TG: variants seen among roughly 807,000 people sequenced by gnomAD.
The protein encoded by TG is thyroglobulin.
TG carries 270 observed loss-of-function variants against 324.7 expected under a neutral mutation model. The ratio of observed to expected loss-of-function variants is 0.83; its 90% CI spans 0.75 to 0.92. The LOEUF (loss-of-function observed/expected upper bound fraction) is 0.92. TG is among the 40% of genes least tolerant of loss of function. The probability of loss-of-function intolerance (pLI) is 0.00; values close to 1 mark genes in which losing one functional copy is unlikely to be tolerated. For missense variants in TG, 3,591 were observed against 3,456.4 expected, an observed-to-expected ratio of 1.04 and a Z score of -0.98; for synonymous variants, 1,401 against 1,327.0, an observed-to-expected ratio of 1.06 and a Z score of -1.21.
At chr8:132,990,285 G>C (rs1455361255) in intron 35 of TG, among the ~76,000 whole-genome samples, 1 of 151,084 alleles carries the variant, frequency 6.6e-6, no homozygotes, top group Admixed American at 6.6e-5. Context: ...ATCATTTTTT[G>C]CTCTTATTTT....
chr8:132,914,406 G>A (rs955809960), intron 20 of TG, among the ~76,000 whole-genome samples: 5 of 152,208 alleles, frequency 3.3e-5, no homozygotes, highest in Admixed American at 1.3e-4. Flanking sequence ...AAGCCAAATG[G>A]CCTTTCCTTT....
At chr8:132,920,655 T>A (rs1222802237) in intron 21 of TG, among the ~76,000 whole-genome samples, 1 of 152,202 alleles carries the variant, frequency 6.6e-6, no homozygotes, top group Non-Finnish European at 1.5e-5. Flanking sequence ...AAGATTAATG[T>A]AGTGTGCTGA....
intron 41 of TG, among the ~76,000 whole-genome samples, chr8:133,081,082 A>G (rs1398725373): frequency 1.3e-5 from 2 of 152,222 alleles, no homozygotes; most frequent in East Asian, 1.9e-4. Context: ...TACTAATACT[A>G]CTTTATCATG....
At chr8:133,015,704 C>G (rs907185625) in intron 37 of TG, among the ~76,000 whole-genome samples, 2 of 152,202 alleles carry the variant, frequency 1.3e-5, no homozygotes, top group Non-Finnish European at 2.9e-5. Context: ...TCCAGCACTT[C>G]AGCAGCCACG....
chr8:133,008,941 TGA>T (rs1834256141), intron 35 of TG, among the ~76,000 whole-genome samples: 1 of 152,220 alleles, frequency 6.6e-6, no homozygotes, highest in Non-Finnish European at 1.5e-5. Context: ...AGAATTTTCA[TGA>T]GATACTTGTG....
intron 41 of TG, among the ~76,000 whole-genome samples, chr8:133,054,403 A>G (rs553037689): frequency 2.0e-4 from 30 of 152,278 alleles, no homozygotes; most frequent in African/African-American, 7.2e-4. Flanking sequence ...CACCTCCGCC[A>G]CTACACAGTG....
rs533463146 is a variant in TG, at chr8:133,055,349, A to G, written c.7239+25326A>G. The stretch of plus-strand genomic sequence containing the variant: ...TGACTTTCAGTGTCATCTTCAGGAC[A>G]CACACACGCACGCGCGCACACACAC... On this transcript the variant is annotated intron_variant, in intron 41 of 47. Transcript: ENST00000220616. Among the ~76,000 whole-genome samples the G allele has an allele frequency of 6.4e-3, 515 of 80,546 alleles. 3 individuals carry two copies. Among genetic ancestry groups the G allele is most frequent in the Middle Eastern group, 0.011 (2 of 174 alleles). The allele number at this position is 80,546 out of a possible 152,430, so 52.8% of individuals were successfully genotyped here.
At chr8:132,904,028 A>G (rs1036495693) in intron 16 of TG, among the ~76,000 whole-genome samples, 4 of 152,200 alleles carry the variant, frequency 2.6e-5, no homozygotes, top group African/African-American at 9.7e-5. Flanking sequence ...ATCCAATGTC[A>G]TGTTCATGCA....
At chr8:132,904,999 C>T (rs1369023816) in intron 16 of TG, among the ~76,000 whole-genome samples, 1 of 152,158 alleles carries the variant, frequency 6.6e-6, no homozygotes, top group Non-Finnish European at 1.5e-5. Flanking sequence ...CTCTGTGTGC[C>T]TCAGTATTGG....
chr8:133,042,709 T>TTTTTG (rs1554706931), intron 41 of TG, among the ~76,000 whole-genome samples: 4 of 138,682 alleles, frequency 2.9e-5, no homozygotes, highest in African/African-American at 1.1e-4. Flanking sequence ...TTTTTTTTTT[T>TTTTTG]GTGAGATGGA....
intron 45 of TG, among the ~76,000 whole-genome samples, chr8:133,119,136 G>A (rs1588135967): frequency 6.6e-6 from 1 of 152,122 alleles, no homozygotes; most frequent in Non-Finnish European, 1.5e-5. Flanking sequence ...AGAGAAAAAA[G>A]TTTCAATGGT....
chr8:132,915,205 A>G (rs969572182), intron 20 of TG, among the ~76,000 whole-genome samples: 1 of 152,166 alleles, frequency 6.6e-6, no homozygotes, highest in Non-Finnish European at 1.5e-5. Flanking sequence ...CAGCCCCAGG[A>G]GGCTCCTTGG....
chr8:133,038,664 C>G lies in TG; in HGVS notation c.7239+8641C>G, dbSNP rs751213413. The G allele has an allele frequency of 5.0e-6, 8 of 1,613,932 alleles. No homozygotes were observed. The East Asian group carries it at 1.8e-4, about 36-fold the overall frequency. Reference sequence around the variant, plus strand: ...AGGGACAGGTAAGAGGCAATGCTCTCTCGAAGGCCATAGCTGAAAAGGGAC... The same window carrying G: ...AGGGACAGGTAAGAGGCAATGCTCTGTCGAAGGCCATAGCTGAAAAGGGAC... On this transcript the variant is annotated intron_variant, in intron 41 of 47. Coordinates refer to ENST00000220616, the MANE Select transcript of TG (RefSeq NM_003235.5).
chr8:133,011,857 C>T (rs533289311), intron 35 of TG, 44 bp from the exon 36 acceptor site: 6 of 1,613,846 alleles, frequency 3.7e-6, no homozygotes, highest in African/African-American at 2.7e-5. Flanking sequence ...TTGTTACTCA[C>T]CAGGTGACAA....
chr8:133,021,931 C>G, intron 39 of TG, 60 bp from the exon 40 acceptor site: 2 of 1,608,038 alleles, frequency 1.2e-6, no homozygotes, highest in Non-Finnish European at 1.7e-6. Flanking sequence ...GAATCAGGCT[C>G]CAAGCATGGG....
intron 10 of TG, among the ~76,000 whole-genome samples, chr8:132,890,275 A>T (rs944520465): frequency 1.3e-5 from 2 of 152,206 alleles, no homozygotes; most frequent in South Asian, 4.1e-4. Flanking sequence ...TTAACAGCTG[A>T]AACAGCTAAA....
rs985040119 is a variant in TG at position 133,052,875 on chromosome 8, C to A, written c.7239+22852C>A. Among the ~76,000 whole-genome samples, 4 of 152,284 alleles carry A rather than the reference C, an allele frequency of 2.6e-5. No individual in the cohort carries two copies. In the East Asian group the frequency reaches 5.8e-4, roughly 22 times the overall value. ...TGACTTTGCCACTCACTGAGTGGGA[C>A]GCCTCCTTCTCCTCTTGGGCCTGGG... On this transcript the variant is annotated intron_variant, in intron 41 of 47. Transcript: ENST00000220616.
At chr8:133,078,103 T>G (rs1845181396) in intron 41 of TG, among the ~76,000 whole-genome samples, 2 of 152,328 alleles carry the variant, frequency 1.3e-5, no homozygotes, top group South Asian at 4.1e-4. Context: ...GGTACACATC[T>G]AAGAAGCTGC....
intron 35 of TG, among the ~76,000 whole-genome samples, chr8:132,989,269 A>G (rs908245689): frequency 2.0e-5 from 3 of 152,204 alleles, no homozygotes; most frequent in Admixed American, 2.0e-4. Context: ...TCATATCAAG[A>G]TGCTACTTAA....
Sources: allele counts gnomAD v4.1 joint callset (sites outside exome capture counted in the v4.1 genomes callset), GRCh38; gene constraint gnomAD v4.1.1; transcripts MANE v1.5; gene names NCBI Gene and HGNC (gene_info 2026-07-23, HGNC 2026-07-21).